CPQ: variants seen among roughly 807,000 people sequenced by gnomAD.
CPQ encodes the protein Ser-Met dipeptidase.
CPQ carries 37 observed loss-of-function variants against 45.7 expected under a neutral mutation model. That is an observed-to-expected ratio of 0.81 (90% CI 0.62 to 1.07). The LOEUF is 1.07. CPQ is among the 50% of genes least tolerant of loss of function. CPQ has a pLI of 0.00. For missense variants in CPQ, 537 were observed against 572.9 expected (o/e 0.94, Z 0.64); for synonymous variants, 186 against 205.8 (o/e 0.90, Z 0.82).
intron 2 of CPQ, among the ~76,000 whole-genome samples, chr8:96,798,438 C>T (rs1810964468): frequency 6.6e-6 from 1 of 152,072 alleles, no homozygotes; most frequent in Non-Finnish European, 1.5e-5. Flanking sequence ...ATGCCCAGCC[C>T]CTAGACCTCA....
intron 6 of CPQ, among the ~76,000 whole-genome samples, chr8:97,042,252 G>T (rs2130491236): frequency 6.6e-6 from 1 of 152,136 alleles, no homozygotes; most frequent in African/African-American, 2.4e-5. Flanking sequence ...ATTTCTTCTA[G>T]ATTTTCTAGT....
intron 1 of CPQ, among the ~76,000 whole-genome samples, chr8:96,648,153 T>C (rs1815538407): frequency 6.6e-6 from 1 of 152,176 alleles, no homozygotes; most frequent in Admixed American, 6.5e-5. Flanking sequence ...TTCTTTTTCG[T>C]CAGCCAAGTT....
chr8:97,084,858 C>CAAAG (rs1449922550), intron 7 of CPQ, among the ~76,000 whole-genome samples: 1 of 150,034 alleles, frequency 6.7e-6, no homozygotes, highest in African/African-American at 2.5e-5. Flanking sequence ...GTATGTACAC[C>CAAAG]AAAGAAGAAC....
chr8:97,085,027 C>T (rs1355847410), intron 7 of CPQ, among the ~76,000 whole-genome samples: 1 of 151,776 alleles, frequency 6.6e-6, no homozygotes, highest in Non-Finnish European at 1.5e-5. Context: ...GTTCTGATTT[C>T]ATATCCTTAT....
intron 7 of CPQ, among the ~76,000 whole-genome samples, chr8:97,092,050 C>A (rs1030872610): frequency 2.0e-5 from 3 of 152,140 alleles, no homozygotes; most frequent in Non-Finnish European, 4.4e-5. Flanking sequence ...TACATACGTA[C>A]ATATGCATTG....
At chr8:96,719,633 C>A (rs1809735693) in intron 1 of CPQ, among the ~76,000 whole-genome samples, 1 of 152,226 alleles carries the variant, frequency 6.6e-6, no homozygotes, top group African/African-American at 2.4e-5. Context: ...AGACTGCCAA[C>A]ATGCTGTCAC....
intron 6 of CPQ, among the ~76,000 whole-genome samples, chr8:97,049,887 T>C (rs889631509): frequency 6.6e-6 from 1 of 152,236 alleles, no homozygotes; most frequent in African/African-American, 2.4e-5. Flanking sequence ...CTCCTTGTTT[T>C]GACAAGGTGC....
intron 4 of CPQ, among the ~76,000 whole-genome samples, chr8:96,947,653 T>C (rs1003370547): frequency 2.0e-4 from 30 of 152,098 alleles, no homozygotes; most frequent in African/African-American, 6.8e-4. Context: ...TTGATAGGGA[T>C]TGTAGCCAAG....
At chr8:96,697,550 G>A (rs1809402176) in intron 1 of CPQ, among the ~76,000 whole-genome samples, 2 of 151,994 alleles carry the variant, frequency 1.3e-5, no homozygotes, top group Non-Finnish European at 1.5e-5. Flanking sequence ...CATCCAGATT[G>A]GAATGGAAGA....
chr8:96,683,045 AT>A (rs1241903761), intron 1 of CPQ, among the ~76,000 whole-genome samples: 1 of 151,454 alleles, frequency 6.6e-6, no homozygotes, highest in Non-Finnish European at 1.5e-5. Context: ...ATTTTTTATC[AT>A]TGTGGTTTAG....
At chr8:96,690,296 G>A (rs1809289344) in intron 1 of CPQ, among the ~76,000 whole-genome samples, 2 of 151,956 alleles carry the variant, frequency 1.3e-5, no homozygotes, top group Admixed American at 1.3e-4. Context: ...CATTTTTTCT[G>A]GATCAGCTAC....
intron 5 of CPQ, among the ~76,000 whole-genome samples, chr8:97,001,721 C>CT (rs61282246): frequency 0.031 from 2,817 of 92,010 alleles, 44 homozygotes; most frequent in Non-Finnish European, 0.035. Context: ...TTCTTTCTTT[C>CT]TTTTTTTTTT....
chr8:96,822,139 A>T (rs369680244), intron 2 of CPQ, among the ~76,000 whole-genome samples: 2 of 151,986 alleles, frequency 1.3e-5, no homozygotes, highest in African/African-American at 4.8e-5. Context: ...ACGTATAAGT[A>T]AGCTCAGATG....
intron 1 of CPQ, among the ~76,000 whole-genome samples, chr8:96,762,888 G>C (rs1474580179): frequency 6.6e-6 from 1 of 152,136 alleles, no homozygotes; most frequent in Admixed American, 6.5e-5. Flanking sequence ...ATGGTAAGAG[G>C]TGTGGTGTAT....
chr8:97,137,986 TTC>T (rs1337269546), intron 7 of CPQ, among the ~76,000 whole-genome samples: 3 of 152,216 alleles, frequency 2.0e-5, no homozygotes, highest in Non-Finnish European at 1.5e-5. Context: ...TCCCTCTCAC[TTC>T]TCCTCAGACT....
At chr8:96,986,266 C>T (rs1441326004) in intron 5 of CPQ, among the ~76,000 whole-genome samples, 1 of 152,132 alleles carries the variant, frequency 6.6e-6, no homozygotes, top group Non-Finnish European at 1.5e-5. Flanking sequence ...CTTGTTGCCA[C>T]CCTTGACAAA....
At chr8:96,837,888 T>TA (rs1442961967) in intron 3 of CPQ, among the ~76,000 whole-genome samples, 1 of 152,182 alleles carries the variant, frequency 6.6e-6, no homozygotes, top group Admixed American at 6.5e-5. Context: ...TTCTGCTCCT[T>TA]ATCAGTCATT....
At chr8:97,117,345 G>A (rs556678207) in intron 7 of CPQ, among the ~76,000 whole-genome samples, 1 of 152,098 alleles carries the variant, frequency 6.6e-6, no homozygotes, top group Admixed American at 6.6e-5. Context: ...AGCAGTTAGA[G>A]TGACTATCTC....
rs905530302 is a variant in CPQ at position 96,977,095 on chromosome 8, T to A, written c.961+11049T>A. Reference sequence around the variant, plus strand: ...AGTGGGAGAAAATCTTTACAATCTATACATCTTACAAAGGACTAATATCCA... The same window carrying A: ...AGTGGGAGAAAATCTTTACAATCTAAACATCTTACAAAGGACTAATATCCA... On this transcript the variant is annotated intron_variant, in intron 5 of 7. Transcript: ENST00000220763. Among the ~76,000 whole-genome samples the A allele has an allele frequency of 4.6e-5, 7 of 152,058 alleles. No individual in the cohort carries two copies. In the South Asian group the frequency reaches 1.2e-3, roughly 27 times the overall value.
Sources: allele counts gnomAD v4.1 joint callset (sites outside exome capture counted in the v4.1 genomes callset), GRCh38; gene constraint gnomAD v4.1.1; transcripts MANE v1.5; gene names NCBI Gene and HGNC (gene_info 2026-07-23, HGNC 2026-07-21).